SGPP2: variants seen among roughly 807,000 people sequenced by gnomAD.
SGPP2 encodes sphingosine-1-phosphate phosphatase 2.
SGPP2 carries 30 observed loss-of-function variants against 33.9 expected under a neutral mutation model. The ratio of observed to expected loss-of-function variants is 0.89; its 90% CI spans 0.66 to 1.20. The LOEUF (loss-of-function observed/expected upper bound fraction) is 1.20, where lower values mean the gene tolerates loss of function less well. Among genes scored for constraint, SGPP2 ranks in the 50% most tolerant of loss-of-function variants. The probability of loss-of-function intolerance (pLI) is 0.00; values close to 1 mark genes in which losing one functional copy is unlikely to be tolerated. For missense variants in SGPP2, 458 were observed against 532.1 expected, an observed-to-expected ratio of 0.86 and a Z score of 1.37; for synonymous variants, 233 against 225.0, an observed-to-expected ratio of 1.04 and a Z score of -0.32.
chr2:222,511,390 ACCT>A (rs1698525189), intron 2 of SGPP2, among the ~76,000 whole-genome samples: 1 of 152,120 alleles, frequency 6.6e-6, no homozygotes, highest in Non-Finnish European at 1.5e-5. Flanking sequence ...AACCTACGGG[ACCT>A]CCATGCCATC....
chr2:222,426,547 C>T (rs538524271), intron 1 of SGPP2, among the ~76,000 whole-genome samples: 1 of 152,318 alleles, frequency 6.6e-6, no homozygotes, highest in Admixed American at 6.5e-5. Flanking sequence ...TACTGCTTGA[C>T]AATCCTGGTG....
At chr2:222,501,132 CA>C (rs1211207388) in intron 2 of SGPP2, among the ~76,000 whole-genome samples, 2 of 152,112 alleles carry the variant, frequency 1.3e-5, no homozygotes, top group African/African-American at 2.4e-5. Context: ...ACCCTTAGAA[CA>C]AGTGCACAAG....
intron 2 of SGPP2, among the ~76,000 whole-genome samples, chr2:222,484,310 G>C (rs1371717032): frequency 6.6e-6 from 1 of 152,158 alleles, no homozygotes; most frequent in African/African-American, 2.4e-5. Flanking sequence ...CTGCAATGCT[G>C]TTGGTGGAGT....
intron 4 of SGPP2, among the ~76,000 whole-genome samples, chr2:222,539,943 G>T (rs553768383): frequency 6.6e-5 from 10 of 152,212 alleles, no homozygotes; most frequent in Admixed American, 3.3e-4. Flanking sequence ...CTAGGAGTGG[G>T]CTTCCTAGGA....
intron 1 of SGPP2, among the ~76,000 whole-genome samples, chr2:222,435,839 G>A (rs12694579): frequency 0.77 from 116,735 of 152,176 alleles, 44,932 homozygotes; most frequent in Middle Eastern, 0.9. Flanking sequence ...GCTGGTATTG[G>A]TGACTACCTT....
intron 2 of SGPP2, chr2:222,504,495 G>A (rs1216380943): frequency 6.6e-6 from 1 of 152,214 alleles, no homozygotes; most frequent in African/African-American, 2.4e-5. Context: ...GCAGGTGATA[G>A]GAATAATAAC....
chr2:222,503,204 A>G (rs75593311), intron 2 of SGPP2, among the ~76,000 whole-genome samples: 2,115 of 152,330 alleles, frequency 0.014, 41 homozygotes, highest in African/African-American at 0.048. Flanking sequence ...ATAGAACCAA[A>G]AAGGGTGAAA....
chr2:222,547,800 T>C (rs1689227093), intron 4 of SGPP2, among the ~76,000 whole-genome samples: 1 of 152,148 alleles, frequency 6.6e-6, no homozygotes, highest in Non-Finnish European at 1.5e-5. Context: ...GTCATATAAA[T>C]AAACACTGAA....
chr2:222,505,984 A>T (rs1698439144), intron 2 of SGPP2, among the ~76,000 whole-genome samples: 2 of 152,016 alleles, frequency 1.3e-5, no homozygotes, highest in African/African-American at 4.8e-5. Flanking sequence ...ACTTATGCAC[A>T]TGAACACATC....
At position 222,521,007 on chromosome 2, in the gene SGPP2, G is replaced by A. The variant is rs145368652; in HGVS notation, c.379-760G>A. On this transcript the variant is annotated intron_variant, in intron 2 of 4. Coordinates refer to ENST00000321276, the MANE Select transcript of SGPP2 (RefSeq NM_152386.4). ...ATTCCTGGGCTCAAGCCGTCCTCCC[G>A]CCTTGGCCTCCCAAAGTGTTGGGAT... 7.8e-3 allele frequency among the ~76,000 whole-genome samples: 1,194 copies of A among 152,190 alleles called. 9 individuals are homozygous for A. Among genetic ancestry groups the A allele is most frequent in the African/African-American group, 0.026 (1,098 of 41,516 alleles).
At chr2:222,457,623 T>A (rs1307946389) in intron 1 of SGPP2, among the ~76,000 whole-genome samples, 2 of 152,164 alleles carry the variant, frequency 1.3e-5, no homozygotes, top group African/African-American at 4.8e-5. Context: ...GAAAGTTGGG[T>A]TCAAATTTAG....
chr2:222,493,139 G>C (rs1395599591), intron 2 of SGPP2, among the ~76,000 whole-genome samples: 1 of 152,082 alleles, frequency 6.6e-6, no homozygotes, highest in Non-Finnish European at 1.5e-5. Context: ...CACTACTTTG[G>C]TACCAATTTA....
At position 222,524,992 on chromosome 2, in the gene SGPP2, G is replaced by A. The variant is rs1189294889; in HGVS notation, c.607G>A (p.Val203Met). ...LVMAVVFSTL[V>M]CLSRLYTGMH... ...GATGGCCGTGGTGTTTTCCACCTTG[G>A]TGTGTCTCAGCAGGCTCTACACTGG... Residue 203 changes from valine to methionine, a missense_variant, in exon 4 of 5, where the codon GTG (valine) becomes ATG (methionine). By Grantham distance (21) the Val-to-Met change is conservative. Coordinates refer to ENST00000321276, the MANE Select transcript of SGPP2 (RefSeq NM_152386.4). 1.2e-6 allele frequency: 2 copies of A among 1,613,946 alleles called. No homozygotes were observed. Among genetic ancestry groups the A allele is most frequent in the Non-Finnish European group, 8.5e-7 (1 of 1,179,932 alleles).
chr2:222,451,192 C>T (rs1251530921), intron 1 of SGPP2, among the ~76,000 whole-genome samples: 1 of 148,380 alleles, frequency 6.7e-6, no homozygotes, highest in East Asian at 2.0e-4. Flanking sequence ...AAACTCCCCA[C>T]TAAAACCAAA....
chr2:222,450,951 A>G (rs996269252), intron 1 of SGPP2, among the ~76,000 whole-genome samples: 2 of 152,034 alleles, frequency 1.3e-5, no homozygotes, highest in East Asian at 3.8e-4. Flanking sequence ...TAACTATTTA[A>G]TGTTTACTTC....
chr2:222,523,127 T>C (rs1698710985), intron 3 of SGPP2, among the ~76,000 whole-genome samples: 1 of 152,252 alleles, frequency 6.6e-6, no homozygotes, highest in African/African-American at 2.4e-5. Flanking sequence ...CTCATGTAGC[T>C]GGAAAGACCA....
chr2:222,479,399 C>CTTTTT lies in SGPP2; in HGVS notation c.378+4690_378+4694dup, dbSNP rs568165167. Among the ~76,000 whole-genome samples, 213 of 114,870 alleles carry CTTTTT rather than the reference C, an allele frequency of 1.9e-3. 4 individuals are homozygous for CTTTTT. Among genetic ancestry groups the CTTTTT allele is most frequent in the African/African-American group, 3.3e-3 (93 of 27,868 alleles). The allele number at this position is 114,870 out of a possible 152,430, so 75.4% of individuals were successfully genotyped here. ...GCTTGACTGTTTCTTATCTACCCTT[C>CTTTTT]TTTTTTTTTTTTTTTTTTTTTGAGA... On this transcript the variant is annotated intron_variant, in intron 2 of 4. Transcript: ENST00000321276.
intron 4 of SGPP2, among the ~76,000 whole-genome samples, chr2:222,526,642 G>T (rs911552603): frequency 6.6e-6 from 1 of 152,158 alleles, no homozygotes; most frequent in Non-Finnish European, 1.5e-5. Context: ...TGATAGACTG[G>T]ATAAAGAAAA....
At chr2:222,549,793 T>G (rs1689260675) in intron 4 of SGPP2, among the ~76,000 whole-genome samples, 1 of 152,100 alleles carries the variant, frequency 6.6e-6, no homozygotes, top group Non-Finnish European at 1.5e-5. Flanking sequence ...GATGGCAAAC[T>G]GAATTAAAGG....
Sources: gnomAD v4.1 joint callset for allele counts (sites outside exome capture counted in the v4.1 genomes callset) on GRCh38, gnomAD v4.1.1 for gene constraint, MANE v1.5 for transcripts, NCBI Gene and HGNC (gene_info 2026-07-23, HGNC 2026-07-21) for gene names.